MYO7B: variants seen among roughly 807,000 people sequenced by gnomAD.
MYO7B encodes the protein unconventional myosin-VIIb.
In MYO7B, 212 loss-of-function variants were observed where a neutral mutation model predicts 259.7. The observed-to-expected ratio is 0.82, with a 90% confidence interval of 0.73 to 0.91. The LOEUF is 0.91. Among genes scored for constraint, MYO7B ranks in the 40% least tolerant of loss-of-function variants. The probability of loss-of-function intolerance (pLI) is 0.00; values close to 1 mark genes in which losing one functional copy is unlikely to be tolerated. For synonymous variants in MYO7B, 1,197 were observed against 1,166.4 expected, an observed-to-expected ratio of 1.03 and a Z score of -0.54; for missense variants, 2,732 against 2,813.5, an observed-to-expected ratio of 0.97 and a Z score of 0.66.
intron 16 of MYO7B, among the ~76,000 whole-genome samples, chr2:127,592,085 A>C (rs1401405917): frequency 6.6e-6 from 1 of 152,188 alleles, no homozygotes; most frequent in Admixed American, 6.5e-5. Context: ...TATGTAGGCA[A>C]GGGGCGCTTA....
rs1681840569 is a variant in MYO7B, at chr2:127,636,708, G to A, written c.6207+80G>A. The A allele has an allele frequency of 6.2e-7, 1 of 1,609,644 alleles. No individual in the cohort carries two copies. The highest frequency in any genetic ancestry group is 1.1e-5 in the South Asian group (1 of 90,774). ...AGGTGGGGCTGCAGTCATCTCTGCG[G>A]TGTGTCCTGCCTCTCTCCTGTCCCC... On this transcript the variant is annotated intron_variant, in intron 46 of 47. Transcript: ENST00000409816. The surrounding 1 kb of genome is among the most constrained non-coding windows in gnomAD (Gnocchi z 4.5).
chr2:127,560,786 A>C (rs1284563900), intron 2 of MYO7B, among the ~76,000 whole-genome samples: 1 of 152,106 alleles, frequency 6.6e-6, no homozygotes, highest in African/African-American at 2.4e-5. Context: ...AATGCCCCGA[A>C]TGTTCTCCTC....
rs765256478 is a variant in MYO7B, at chr2:127,582,476, G to T, written c.1343+30G>T. 1.3e-5 allele frequency: 21 copies of T among 1,608,018 alleles called. No individual in the cohort carries two copies. In the African/African-American group the frequency reaches 2.8e-4, roughly 22 times the overall value. The stretch of plus-strand genomic sequence containing the variant: ...GAAGATCTCAGATCCCAGCCCCACT[G>T]CTTCCAGAAAACAGAAGATAAGCAG... On this transcript the variant is annotated intron_variant, in intron 12 of 47. Coordinates refer to ENST00000409816, the MANE Select transcript of MYO7B (RefSeq NM_001393586.1).
chr2:127,629,680 C>T lies in MYO7B; in HGVS notation c.4660C>T (p.Leu1554=). 1.2e-6 allele frequency: 2 copies of T among 1,612,436 alleles called. No homozygotes were observed. The highest frequency in any genetic ancestry group is 1.7e-6 in the Non-Finnish European group (2 of 1,179,464). The part of the protein sequence containing the change: ...TTLLAFKKGD[L]LVLTKKQGLL... ...CCTCCTGGCCTTCAAGAAGGGGGAC[C>T]TGTTGGTCCTCACAAAGAAGCAGGG... Residue 1554 remains leucine, a synonymous_variant, in exon 35 of 48, where the codon CTG becomes TTG. Transcript: ENST00000409816.
chr2:127,617,926 T>TCCTGTCTGTC (rs1026391893), intron 26 of MYO7B, among the ~76,000 whole-genome samples: 10 of 152,054 alleles, frequency 6.6e-5, no homozygotes, highest in African/African-American at 2.2e-4. Context: ...CCCTATCTGT[T>TCCTGTCTGTC]CCTGTCTGTC....
intron 19 of MYO7B, 37 bp from the exon 20 acceptor site, chr2:127,605,807 G>T (rs1490270171): frequency 6.3e-7 from 1 of 1,592,738 alleles, no homozygotes; most frequent in East Asian, 2.2e-5. Context: ...AACCATCTGG[G>T]ATTGTTACAT....
chr2:127,602,337 A>G (rs1400663315), intron 19 of MYO7B, among the ~76,000 whole-genome samples: 1 of 152,162 alleles, frequency 6.6e-6, no homozygotes, highest in East Asian at 1.9e-4. Context: ...TTTTCTCTAC[A>G]TACATGTAGA....
Position 127,584,692 on chromosome 2 carries a change from T to C in MYO7B, c.1555-86T>C. 6.7e-7 allele frequency: 1 copy of C among 1,501,800 alleles called. No homozygotes were observed. Among genetic ancestry groups the C allele is most frequent in the Non-Finnish European group, 9.1e-7 (1 of 1,099,216 alleles). 93.0% of individuals were successfully genotyped at this position (1,501,800 alleles called of 1,614,324 possible). A position where few individuals can be genotyped will look rare whatever the true frequency, so the allele number is the denominator to read the frequency against. On this transcript the variant is annotated intron_variant, in intron 13 of 47. Transcript: ENST00000409816. This position sits in a 1 kb window ranked among gnomAD's most constrained non-coding sequence, Gnocchi z 5.8. ...TCAATCATTCTGAGCCCAGATCTCTTTGCCTCCATGAGGAAGTCCCTGAGC... is the reference window on the plus strand; with the variant it reads ...TCAATCATTCTGAGCCCAGATCTCTCTGCCTCCATGAGGAAGTCCCTGAGC...
intron 1 of MYO7B, among the ~76,000 whole-genome samples, chr2:127,540,928 A>C (rs1039488567): frequency 2.6e-5 from 4 of 152,102 alleles, no homozygotes; most frequent in Non-Finnish European, 5.9e-5. Flanking sequence ...CTGTATAGGA[A>C]AGGGGGTTTC....
intron 1 of MYO7B, among the ~76,000 whole-genome samples, chr2:127,545,867 C>G (rs185372413): frequency 6.6e-6 from 1 of 152,350 alleles, no homozygotes; most frequent in Admixed American, 6.5e-5. Context: ...GCCCTCTCCC[C>G]AAGGCTGACC....
Position 127,606,696 on chromosome 2 carries a change from G to A in MYO7B, c.2425-510G>A, listed in dbSNP as rs142319212. 3.9e-3 allele frequency among the ~76,000 whole-genome samples: 597 copies of A among 152,330 alleles called. 2 individuals carry two copies. The highest frequency in any genetic ancestry group is 9.0e-3 in the African/African-American group (376 of 41,570). Reference sequence around the variant, plus strand: ...GCCAACCCGTTGGGCAGGTCTTTAGGAAGCCCAGGGACTGCTGTGGCCCAG... The same window carrying A: ...GCCAACCCGTTGGGCAGGTCTTTAGAAAGCCCAGGGACTGCTGTGGCCCAG... On this transcript the variant is annotated intron_variant, in intron 20 of 47. Coordinates refer to ENST00000409816, the MANE Select transcript of MYO7B (RefSeq NM_001393586.1).
At chr2:127,635,265 C>G (rs1239977444) in intron 43 of MYO7B, 39 bp downstream of exon 43, 1 of 1,536,904 alleles carries the variant, frequency 6.5e-7, no homozygotes, top group African/African-American at 1.4e-5. Flanking sequence ...TGGGGCCACC[C>G]CCATCTTCCC....
chr2:127,618,551 G>C (rs372949136), intron 26 of MYO7B, among the ~76,000 whole-genome samples: 3 of 152,202 alleles, frequency 2.0e-5, no homozygotes, highest in African/African-American at 4.8e-5. Flanking sequence ...CCTTCTGGGC[G>C]GCAGACGCAG....
chr2:127,550,814 C>A (rs1219208038), intron 1 of MYO7B, among the ~76,000 whole-genome samples: 1 of 151,992 alleles, frequency 6.6e-6, no homozygotes, highest in African/African-American at 2.4e-5. Flanking sequence ...AAGACCTGAG[C>A]TTATCACTAT....
chr2:127,607,439 G>T lies in MYO7B; in HGVS notation c.2643+15G>T. 2.6e-6 allele frequency: 4 copies of T among 1,549,558 alleles called. No individual in the cohort carries two copies. The highest frequency in any genetic ancestry group is 3.5e-6 in the Non-Finnish European group (4 of 1,146,224). Reference sequence around the variant, plus strand: ...GGAAGGCCAATGTAGGTGGTCACCTGGCCTCTTGGGCAGGTGGGGCTGGCT... The same window carrying T: ...GGAAGGCCAATGTAGGTGGTCACCTTGCCTCTTGGGCAGGTGGGGCTGGCT... On this transcript the variant is annotated intron_variant, in intron 21 of 47. Transcript: ENST00000409816. The surrounding 1 kb of genome is among the most constrained non-coding windows in gnomAD (Gnocchi z 4.4).
chr2:127,607,549 CGCCACAA>C lies in MYO7B; in HGVS notation c.2643+130_2643+136del. On this transcript the variant is annotated intron_variant, in intron 21 of 47. Coordinates refer to ENST00000409816, the MANE Select transcript of MYO7B (RefSeq NM_001393586.1). The surrounding 1 kb of genome is among the most constrained non-coding windows in gnomAD (Gnocchi z 4.4). ...GCGCTTTGGAAAATCCCCCCGCCCC[CGCCACAA>C]GCCAAGACGTTAAAATCTGTTCAAT... The C allele has an allele frequency of 1.3e-6, 1 of 771,936 alleles. No individual in the cohort carries two copies. Among genetic ancestry groups the C allele is most frequent in the Non-Finnish European group, 2.1e-6 (1 of 483,482 alleles). 47.8% of individuals were successfully genotyped at this position (771,936 alleles called of 1,614,324 possible). A position where few individuals can be genotyped will look rare whatever the true frequency, so the allele number is the denominator to read the frequency against.
chr2:127,593,492 C>A, intron 17 of MYO7B, 54 bp from the exon 18 acceptor site: 1 of 1,538,666 alleles, frequency 6.5e-7, no homozygotes, highest in Non-Finnish European at 8.9e-7. Context: ...CCCAGAGAGC[C>A]GCCGAGGGGT....
Position 127,608,807 on chromosome 2 carries a change from G to A in MYO7B, c.2743G>A (p.Val915Met). The change falls in exon 22 of 48, where the codon GTG becomes ATG. Residue 915 changes from valine to methionine, a missense_variant. Physicochemically the swap from Val to Met is conservative, Grantham distance 21. Coordinates refer to ENST00000409816, the MANE Select transcript of MYO7B (RefSeq NM_001393586.1). Reference protein sequence around the residue: ...IYDTVTDTEMVEKVFGFLPAM... With the variant: ...IYDTVTDTEMMEKVFGFLPAM... ...CGACACCGTCACTGACACGGAGATG[G>A]TGGAGAAGGTGTTCGGCTTCCTCCC... 1 of 1,613,564 alleles carries A rather than the reference G, an allele frequency of 6.2e-7. No individual in the cohort carries two copies. The highest frequency in any genetic ancestry group is 8.5e-7 in the Non-Finnish European group (1 of 1,179,868).
intron 1 of MYO7B, among the ~76,000 whole-genome samples, chr2:127,536,656 G>A (rs1447654961): frequency 6.6e-6 from 1 of 152,220 alleles, no homozygotes; most frequent in Non-Finnish European, 1.5e-5. Context: ...CCCCAACCCA[G>A]ATCCCCCAAA....
Sources: gnomAD v4.1 joint callset for allele counts (sites outside exome capture counted in the v4.1 genomes callset) on GRCh38, gnomAD v4.1.1 for gene constraint, Gnocchi (gnomAD v3.1) non-coding constraint, MANE v1.5 for transcripts, NCBI Gene and HGNC (gene_info 2026-07-23, HGNC 2026-07-21) for gene names.